Variants in KMT5B observed in about 807,000 individuals in gnomAD.
KMT5B encodes the protein lysine methyltransferase 5B.
KMT5B carries 10 observed loss-of-function variants against 83.2 expected under a neutral mutation model. The observed-to-expected ratio is 0.12, with a 90% CI of 0.07 to 0.20. The LOEUF is 0.20. Ranked by LOEUF, KMT5B falls within the 10% of genes least tolerant of loss-of-function variation. The pLI, the probability that KMT5B is intolerant of heterozygous loss-of-function variation, is 1.00. For synonymous variants in KMT5B, 349 were observed against 388.8 expected (o/e 0.90, Z 1.20); for missense variants, 753 against 1,067.2 (o/e 0.71, Z 4.10).
intron 9 of KMT5B, 64 bp downstream of exon 9, chr11:68,170,951 T>C (rs1436597461): frequency 8.1e-6 from 12 of 1,477,726 alleles, no homozygotes; most frequent in South Asian, 1.3e-5. Flanking sequence ...AATGTGAGTT[T>C]AATCCCCATA....
At chr11:68,173,719 T>A in intron 6 of KMT5B, 85 bp downstream of exon 6, 1 of 960,974 alleles carries the variant, frequency 1.0e-6, no homozygotes, top group South Asian at 1.7e-5. Flanking sequence ...GCTTCATTCC[T>A]TACCATGAAT....
At chr11:68,170,953 A>G (rs1855786041) in intron 9 of KMT5B, 62 bp downstream of exon 9, 1 of 1,489,870 alleles carries the variant, frequency 6.7e-7, no homozygotes, top group Non-Finnish European at 9.0e-7. Context: ...TGTGAGTTTA[A>G]TCCCCATAAT....
intron 4 of KMT5B, chr11:68,179,925 G>T: frequency 1.8e-6 from 1 of 566,064 alleles, no homozygotes; most frequent in Non-Finnish European, 3.0e-6. Context: ...TTTGAAGAAT[G>T]ATTTGTTTCT....
At chr11:68,180,887 G>A (rs977243172) in intron 3 of KMT5B, among the ~76,000 whole-genome samples, 4 of 152,126 alleles carry the variant, frequency 2.6e-5, no homozygotes, top group Admixed American at 6.6e-5. Context: ...ATTGACAAAA[G>A]TCAATTAAGT....
intron 6 of KMT5B, among the ~76,000 whole-genome samples, chr11:68,173,533 C>T (rs1327677069): frequency 6.6e-6 from 1 of 152,150 alleles, no homozygotes; most frequent in African/African-American, 2.4e-5. Context: ...ACGGTATCCA[C>T]AACTCTTCAG....
intron 1 of KMT5B, among the ~76,000 whole-genome samples, chr11:68,205,395 T>C (rs1015435694): frequency 6.6e-6 from 1 of 152,190 alleles, no homozygotes; most frequent in African/African-American, 2.4e-5. Flanking sequence ...TACTGAGTTA[T>C]ATAGATTTTG....
intron 10 of KMT5B, chr11:68,165,746 T>A (rs1452042576): frequency 2.1e-6 from 3 of 1,444,536 alleles, no homozygotes; most frequent in Non-Finnish European, 2.7e-6. Context: ...ATTATGAGAA[T>A]CAACAGTCAA....
At chr11:68,168,307 A>T in intron 9 of KMT5B, among the ~76,000 whole-genome samples, 1 of 148,836 alleles carries the variant, frequency 6.7e-6, no homozygotes, top group Non-Finnish European at 1.5e-5. Context: ...TCTTTTCCCT[A>T]TAAGCTTATA....
rs1473840691 is a variant in KMT5B, at chr11:68,186,082, C to A, written c.161-154G>T. On this transcript the variant is annotated intron_variant, in intron 2 of 10. Transcript: ENST00000304363. ...AGAATTTAATAACCTTTGCATAAGA[C>A]AGAAAACCAAATGCAGTAAACTATC... Among the ~76,000 whole-genome samples the A allele has an allele frequency of 2.6e-5, 4 of 152,122 alleles. No individual in the cohort carries two copies. In the East Asian group the frequency reaches 7.7e-4, roughly 29 times the overall value.
At chr11:68,189,634 A>C (rs1857824198) in intron 2 of KMT5B, 1 of 236,040 alleles carries the variant, frequency 4.2e-6, no homozygotes, top group Admixed American at 5.5e-5. Context: ...AATTTTAAAA[A>C]TTTAGTAAGA....
intron 3 of KMT5B, among the ~76,000 whole-genome samples, chr11:68,180,642 T>C (rs1856828362): frequency 6.6e-6 from 1 of 152,174 alleles, no homozygotes; most frequent in African/African-American, 2.4e-5. Flanking sequence ...CTCAGTGCCC[T>C]GAAGTGACTC....
chr11:68,175,374 C>T (rs879860025), intron 4 of KMT5B, among the ~76,000 whole-genome samples, 191 bp from the exon 5 acceptor site: 16 of 152,168 alleles, frequency 1.1e-4, no homozygotes, highest in South Asian at 6.2e-4. Context: ...CACCTGGATA[C>T]GCAAGTTCTC....
At chr11:68,212,569 T>C (rs1487784529) in intron 1 of KMT5B, 1 of 152,340 alleles carries the variant, frequency 6.6e-6, no homozygotes, top group Non-Finnish European at 1.5e-5. Context: ...GTGCACATCA[T>C]CCGCGAATAC....
At chr11:68,188,117 C>A (rs994487301) in intron 2 of KMT5B, among the ~76,000 whole-genome samples, 2 of 150,000 alleles carry the variant, frequency 1.3e-5, no homozygotes, top group Non-Finnish European at 3.0e-5. Flanking sequence ...CTCTGCCTCC[C>A]GGGTTCACAC....
At chr11:68,167,696 G>T (rs1855443681) in intron 9 of KMT5B, among the ~76,000 whole-genome samples, 1 of 152,082 alleles carries the variant, frequency 6.6e-6, no homozygotes, top group South Asian at 2.1e-4. Context: ...GGGCTCAAGG[G>T]ATCTTCCCAG....
intron 1 of KMT5B, among the ~76,000 whole-genome samples, chr11:68,210,605 C>T (rs776631902): frequency 3.3e-5 from 5 of 152,094 alleles, no homozygotes; most frequent in Admixed American, 6.5e-5. Flanking sequence ...CACTTCTATA[C>T]AGCAGTCATC....
chr11:68,169,249 T>G (rs932739664), intron 9 of KMT5B, among the ~76,000 whole-genome samples: 8 of 152,274 alleles, frequency 5.3e-5, no homozygotes, highest in African/African-American at 1.9e-4. Context: ...GGAAAATGAC[T>G]ATACCTGCAG....
intron 4 of KMT5B, among the ~76,000 whole-genome samples, chr11:68,178,188 A>C (rs1202806777): frequency 6.6e-6 from 1 of 152,244 alleles, no homozygotes; most frequent in Non-Finnish European, 1.5e-5. Flanking sequence ...TCAATGTGAA[A>C]GTGACCAATG....
intron 3 of KMT5B, among the ~76,000 whole-genome samples, chr11:68,183,713 G>A (rs1330911729): frequency 2.0e-5 from 3 of 149,910 alleles, no homozygotes; most frequent in Non-Finnish European, 3.0e-5. Flanking sequence ...AGGCTGGAGT[G>A]CAGTGATGTG....
Sources: gnomAD v4.1 joint callset for allele counts (sites outside exome capture counted in the v4.1 genomes callset) on GRCh38, gnomAD v4.1.1 for gene constraint, MANE v1.5 for transcripts, NCBI Gene and HGNC (gene_info 2026-07-23, HGNC 2026-07-21) for gene names.